The following RPS6KC1 variants were observed in gnomAD, a reference collection of about 807,000 sequenced individuals.
The protein encoded by RPS6KC1 is inactive ribosomal protein S6 kinase delta-1.
A neutral mutation model predicts 103.8 loss-of-function variants in RPS6KC1; 54 were observed. That is an observed-to-expected ratio of 0.52 (90% confidence interval 0.42 to 0.65). The LOEUF (loss-of-function observed/expected upper bound fraction) is 0.65, where lower values mean the gene tolerates loss of function less well. Among genes scored for constraint, RPS6KC1 ranks in the 30% least tolerant of loss-of-function variants. The probability of loss-of-function intolerance (pLI) is 0.00; values close to 1 mark genes in which losing one functional copy is unlikely to be tolerated. For missense variants in RPS6KC1, 1,151 were observed against 1,253.8 expected, an observed-to-expected ratio of 0.92 and a Z score of 1.24; for synonymous variants, 439 against 438.7, an observed-to-expected ratio of 1.00 and a Z score of -0.01.
intron 6 of RPS6KC1, among the ~76,000 whole-genome samples, chr1:213,162,439 C>A (rs1273566059): frequency 6.6e-6 from 1 of 151,950 alleles, no homozygotes; most frequent in Non-Finnish European, 1.5e-5. Flanking sequence ...TACCACCAGG[C>A]CTGGCGAATT....
the RPS6KC1 span, among the ~76,000 whole-genome samples, chr1:213,362,596 C>T: frequency 4.6e-5 from 7 of 152,152 alleles, no homozygotes; most frequent in Non-Finnish European, 7.3e-5. Context: ...GGTCAGGAGA[C>T]GAGTAAGAAG....
chr1:213,274,898 C>G (rs986838789), downstream of RPS6KC1: 1 of 152,132 alleles, frequency 6.6e-6, no homozygotes, highest in African/African-American at 2.4e-5. Flanking sequence ...TCACCACTAT[C>G]CATCTCCAGG....
At chr1:213,535,047 G>A in the RPS6KC1 span, among the ~76,000 whole-genome samples, 8 of 152,300 alleles carry the variant, frequency 5.3e-5, no homozygotes, top group East Asian at 1.5e-3. Context: ...TAGTGGCTTG[G>A]CATCAGGGGG....
intron 12 of RPS6KC1, among the ~76,000 whole-genome samples, chr1:213,255,233 G>A (rs914744546): frequency 1.3e-5 from 2 of 151,852 alleles, no homozygotes; most frequent in Admixed American, 1.3e-4. Context: ...GGCTGAGATG[G>A]GAGGATTGCT....
the RPS6KC1 span, among the ~76,000 whole-genome samples, chr1:213,722,947 G>A: frequency 6.6e-6 from 1 of 152,196 alleles, no homozygotes. Flanking sequence ...GGGAGGCCGA[G>A]GTTGGTGGAT....
At chr1:213,399,978 GT>G in the RPS6KC1 span, among the ~76,000 whole-genome samples, 1 of 152,140 alleles carries the variant, frequency 6.6e-6, no homozygotes, top group African/African-American at 2.4e-5. Flanking sequence ...TGGGCATTGT[GT>G]TCTTCCAATT....
chr1:213,858,451 T>C, the RPS6KC1 span, among the ~76,000 whole-genome samples: 6 of 152,176 alleles, frequency 3.9e-5, no homozygotes, highest in Non-Finnish European at 8.8e-5. Flanking sequence ...CTGAGGCCAG[T>C]TGATGCAGCT....
chr1:213,405,549 G>A, the RPS6KC1 span, among the ~76,000 whole-genome samples: 7 of 152,166 alleles, frequency 4.6e-5, no homozygotes, highest in Non-Finnish European at 1.0e-4. Context: ...CACTGAAATC[G>A]ACTCCTCAAC....
chr1:213,289,780 C>T, the RPS6KC1 span, among the ~76,000 whole-genome samples: 1 of 152,140 alleles, frequency 6.6e-6, no homozygotes, highest in African/African-American at 2.4e-5. Flanking sequence ...TGGCTCATGC[C>T]TGTAATCCCA....
chr1:213,156,365 A>G (rs187238447), intron 6 of RPS6KC1, among the ~76,000 whole-genome samples: 11 of 152,360 alleles, frequency 7.2e-5, no homozygotes, highest in Admixed American at 3.3e-4. Flanking sequence ...ACTGAACTAT[A>G]GAACTATTTC....
Position 213,240,621 on chromosome 1 carries a change from T to C in RPS6KC1, c.1226-81T>C, listed in dbSNP as rs903270069. 7.0e-6 allele frequency: 8 copies of C among 1,150,684 alleles called. No individual in the cohort carries two copies. In the African/African-American group the frequency reaches 7.8e-5, roughly 11 times the overall value. 71.3% of individuals were successfully genotyped at this position (1,150,684 alleles called of 1,614,324 possible). A position where few individuals can be genotyped will look rare whatever the true frequency, so the allele number is the denominator to read the frequency against. ...TTGTTTTGATTGATTTTTAAGATAG[T>C]TTTTGTTTTTCTAATGGCTTAAATA... On this transcript the variant is annotated intron_variant, in intron 10 of 14. Coordinates refer to ENST00000366960, the MANE Select transcript of RPS6KC1 (RefSeq NM_012424.6).
chr1:213,423,259 G>A, the RPS6KC1 span, among the ~76,000 whole-genome samples: 1 of 152,224 alleles, frequency 6.6e-6, no homozygotes, highest in East Asian at 1.9e-4. Context: ...GTGATTGGCA[G>A]CAGCCCAGGA....
At chr1:213,092,603 C>T (rs866590838) in intron 3 of RPS6KC1, among the ~76,000 whole-genome samples, 9 of 150,054 alleles carry the variant, frequency 6.0e-5, no homozygotes, top group Non-Finnish European at 1.0e-4. Context: ...ACCAGGGAGG[C>T]GGAGCTTGCA....
the RPS6KC1 span, among the ~76,000 whole-genome samples, chr1:213,539,727 C>T: frequency 2.3e-4 from 32 of 139,328 alleles, no homozygotes; most frequent in Admixed American, 4.7e-4. Context: ...TTAAAATGAT[C>T]GGGGCAAAAT....
At chr1:213,451,774 C>G in the RPS6KC1 span, among the ~76,000 whole-genome samples, 1 of 152,196 alleles carries the variant, frequency 6.6e-6, no homozygotes, top group Admixed American at 6.5e-5. Context: ...CCATGTAAAC[C>G]TGAGCTGGGG....
chr1:213,489,458 G>A, the RPS6KC1 span, among the ~76,000 whole-genome samples: 1 of 152,188 alleles, frequency 6.6e-6, no homozygotes, highest in African/African-American at 2.4e-5. Flanking sequence ...AGAATGGAAA[G>A]GGCTTATTTT....
At chr1:213,474,560 T>C in the RPS6KC1 span, among the ~76,000 whole-genome samples, 1 of 152,198 alleles carries the variant, frequency 6.6e-6, no homozygotes, top group East Asian at 1.9e-4. Flanking sequence ...ACAGTAGGTA[T>C]TTCTGTTTGG....
the RPS6KC1 span, among the ~76,000 whole-genome samples, chr1:213,589,410 T>C: frequency 5.9e-5 from 9 of 151,864 alleles, no homozygotes; most frequent in South Asian, 8.3e-4. Flanking sequence ...GAGGCCGAGG[T>C]GGGAAGATCA....
At chr1:213,224,781 A>G (rs896078545) in intron 8 of RPS6KC1, among the ~76,000 whole-genome samples, 12 of 152,208 alleles carry the variant, frequency 7.9e-5, no homozygotes, top group African/African-American at 2.9e-4. Flanking sequence ...CAGTTTCATT[A>G]CAGATTGGCC....
Sources: gnomAD v4.1 joint callset for allele counts (sites outside exome capture counted in the v4.1 genomes callset) on GRCh38, gnomAD v4.1.1 for gene constraint, MANE v1.5 for transcripts, NCBI Gene and HGNC (gene_info 2026-07-23, HGNC 2026-07-21) for gene names.